PLAC1: variants seen among roughly 807,000 people sequenced by gnomAD.
PLAC1 encodes placenta associated 1, also known as placenta-specific protein 1.
For missense variants in PLAC1, 136 were observed against 163.2 expected (o/e 0.83, Z 0.91); for synonymous variants, 68 against 62.1 (o/e 1.09, Z -0.44).
At chrX:134,701,764 T>A (rs1183072988) in intron 2 of PLAC1, among the ~76,000 whole-genome samples, 1 of 112,189 alleles carries the variant, frequency 8.9e-6, no homozygotes, top group African/African-American at 3.2e-5. Context: ...ACGCCTGTAA[T>A]CCCAGAACTT....
Position 134,608,956 on chromosome X carries a change from G to A in PLAC1, c.-130-6834C>T, listed in dbSNP as rs186260780. On this transcript the variant is annotated intron_variant, in intron 1 of 2. Transcript: ENST00000359237. ...CTTAAAATGCTGGGATTACAGGAGT[G>A]AGCCACCGTGCCCGGCCTCTTTTTC... Among the ~76,000 whole-genome samples the A allele has an allele frequency of 3.0e-3, 312 of 104,622 alleles. 1 individual carries two copies. Among genetic ancestry groups the A allele is most frequent in the Non-Finnish European group, 5.1e-3 (261 of 50,833 alleles). 90.9% of individuals were successfully genotyped at this position (104,622 alleles called of 115,157 possible).
In PLAC1 at chrX:134,740,242, G is replaced by A. The variant is rs1241046944; in HGVS notation, n.90-6723C>T. Among the ~76,000 whole-genome samples the A allele has an allele frequency of 4.6e-5, 5 of 108,432 alleles. No individual in the cohort carries two copies. In the South Asian group the frequency reaches 1.7e-3, roughly 37 times the overall value. 94.2% of individuals were successfully genotyped at this position (108,432 alleles called of 115,157 possible). A position where few individuals can be genotyped will look rare whatever the true frequency, so the allele number is the denominator to read the frequency against. ...TGAGGCAGGTGTATCGCTTGAACCC[G>A]GGAGGCGGAGGTTGCAGTGAGCCAA... On this transcript the variant is annotated intron_variant and non_coding_transcript_variant, in intron 1 of 2. Coordinates refer to the PLAC1 transcript ENST00000466797.
intron 1 of PLAC1, among the ~76,000 whole-genome samples, chrX:134,638,620 A>G (rs1036421159): frequency 9.0e-6 from 1 of 111,511 alleles, no homozygotes; most frequent in African/African-American, 3.3e-5. Context: ...AAAGATTCCC[A>G]TCCTCTATTT....
At position 134,614,946 on chromosome X, in the gene PLAC1, C is replaced by G. The variant is rs114378508; in HGVS notation, c.-130-12824G>C. ...GATTACAGGCGTGTACCACTGTGCC[C>G]GGCCACCACAATTTCTTTATCCATG... On this transcript the variant is annotated intron_variant, in intron 1 of 2. Coordinates refer to ENST00000359237, the MANE Select transcript of PLAC1 (RefSeq NM_021796.4). 4.5e-5 allele frequency among the ~76,000 whole-genome samples: 5 copies of G among 111,543 alleles called. No homozygotes were observed. In the East Asian group the frequency reaches 1.4e-3, roughly 31 times the overall value.
intron 1 of PLAC1, among the ~76,000 whole-genome samples, chrX:134,630,700 G>A (rs1401504491): frequency 1.8e-5 from 2 of 111,897 alleles, no homozygotes; most frequent in Non-Finnish European, 3.8e-5. Context: ...GGAAGGACTT[G>A]AGTTGGAATC....
upstream of PLAC1, among the ~76,000 whole-genome samples, chrX:134,660,405 C>T (rs1379863001): frequency 9.0e-6 from 1 of 111,043 alleles, no homozygotes; most frequent in African/African-American, 3.3e-5. Context: ...CATGCCTGGC[C>T]GAAAGAGGTT....
At chrX:134,740,234 T>C (rs767128995) in intron 1 of PLAC1, among the ~76,000 whole-genome samples, 1 of 108,769 alleles carries the variant, frequency 9.2e-6, no homozygotes, top group African/African-American at 3.4e-5. Flanking sequence ...GGTGTATCGC[T>C]TGAACCCGGG....
chrX:134,568,927 G>A (rs1602782415), intron 2 of PLAC1, among the ~76,000 whole-genome samples: 2 of 110,700 alleles, frequency 1.8e-5, no homozygotes, highest in African/African-American at 6.6e-5. Context: ...TGTGCTTTAG[G>A]TGGGTTTTCT....
intron 2 of PLAC1, among the ~76,000 whole-genome samples, chrX:134,705,054 A>T (rs866778442): frequency 2.9e-5 from 3 of 102,164 alleles, no homozygotes; most frequent in African/African-American, 1.1e-4. Context: ...AAAATATATA[A>T]ATATATAATA....
chrX:134,741,136 C>T (rs771898328), intron 1 of PLAC1, among the ~76,000 whole-genome samples: 144 of 111,887 alleles, frequency 1.3e-3, no homozygotes, highest in African/African-American at 4.4e-3. Flanking sequence ...TATTATGCTT[C>T]GATAACAATT....
chrX:134,748,821 T>C (rs1392135401), intron 1 of PLAC1, among the ~76,000 whole-genome samples: 1 of 112,108 alleles, frequency 8.9e-6, no homozygotes, highest in Non-Finnish European at 1.9e-5. Flanking sequence ...ACATCTGTTT[T>C]ATTTCTCTTT....
chrX:134,599,310 G>C (rs187769035), intron 2 of PLAC1: 2 of 111,233 alleles, frequency 1.8e-5, no homozygotes, highest in African/African-American at 6.5e-5. Flanking sequence ...TGTCGTGGGA[G>C]GGACCTGGTG....
chrX:134,588,290 TTTTA>T (rs58865720), intron 2 of PLAC1, among the ~76,000 whole-genome samples: 15,625 of 74,183 alleles, frequency 0.21, 1,747 homozygotes, highest in African/African-American at 0.35. Context: ...GAACTCTTTA[TTTTA>T]TTTATTTATT....
In PLAC1 at chrX:134,586,839, T is replaced by TTGTGTGTGTGTGTGTGTG. The variant is rs757041226; in HGVS notation, c.-59+15194_-59+15211dup. On this transcript the variant is annotated intron_variant, in intron 2 of 2. Transcript: ENST00000359237. ...GTGTGCACTACCACGCCCAGCTAATTTGTGTGTGTGTGTGTGTGTGTGTGT... is the reference window on the plus strand; with the variant it reads ...GTGTGCACTACCACGCCCAGCTAATTTGTGTGTGTGTGTGTGTGTGTGTGTGTGTGTGTGTGTGTGTGT... 6.4e-3 allele frequency among the ~76,000 whole-genome samples: 493 copies of TTGTGTGTGTGTGTGTGTG among 76,609 alleles called. 5 individuals are homozygous for TTGTGTGTGTGTGTGTGTG. The highest frequency in any genetic ancestry group is 8.1e-3 in the Non-Finnish European group (324 of 40,194). The allele number at this position is 76,609 out of a possible 115,157, so 66.5% of individuals were successfully genotyped here. A position where few individuals can be genotyped will look rare whatever the true frequency, so the allele number is the denominator to read the frequency against.
chrX:134,748,330 C>CAAAA (rs748380889), intron 1 of PLAC1, among the ~76,000 whole-genome samples: 3 of 48,176 alleles, frequency 6.2e-5, no homozygotes, highest in Non-Finnish European at 4.0e-5. Flanking sequence ...GACTCCATCT[C>CAAAA]AAAAAAAAAA....
chrX:134,663,938 A>G (rs936444586), intron 2 of PLAC1, among the ~76,000 whole-genome samples: 4 of 111,793 alleles, frequency 3.6e-5, no homozygotes, highest in Admixed American at 2.8e-4. Flanking sequence ...AAAAAAAAAA[A>G]GAAAAGAAAT....
At chrX:134,690,063 G>A (rs1386971924) in intron 2 of PLAC1, among the ~76,000 whole-genome samples, 1 of 110,976 alleles carries the variant, frequency 9.0e-6, no homozygotes, top group Non-Finnish European at 1.9e-5. Flanking sequence ...CCACTCTACT[G>A]TCTCTATAAA....
chrX:134,641,875 T>A (rs1442999951), intron 1 of PLAC1, among the ~76,000 whole-genome samples: 3 of 111,713 alleles, frequency 2.7e-5, no homozygotes, highest in Non-Finnish European at 5.6e-5. Context: ...TGGACACAAG[T>A]AATAAAAAAC....
intron 2 of PLAC1, among the ~76,000 whole-genome samples, chrX:134,679,740 C>T (rs2078487668): frequency 8.9e-6 from 1 of 112,188 alleles, no homozygotes; most frequent in South Asian, 3.7e-4. Context: ...CTGTTCTATA[C>T]TGCACACATT....
Sources: gnomAD v4.1 joint callset for allele counts (sites outside exome capture counted in the v4.1 genomes callset) on GRCh38, gnomAD v4.1.1 for gene constraint, MANE v1.5 for transcripts, NCBI Gene and HGNC (gene_info 2026-07-23, HGNC 2026-07-21) for gene names.